NOL4: variants seen among roughly 807,000 people sequenced by gnomAD.
NOL4 encodes nucleolar protein 4, also known as cancer/testis antigen 125.
Under a neutral mutation model 75.9 loss-of-function variants are expected in NOL4, and 17 were observed. The observed-to-expected ratio is 0.22, with a 90% CI of 0.15 to 0.34. The LOEUF (loss-of-function observed/expected upper bound fraction) is 0.34. NOL4 is among the 10% of genes least tolerant of loss of function. The pLI is 1.00. For missense variants in NOL4, 614 were observed against 793.5 expected, an observed-to-expected ratio of 0.77 and a Z score of 2.72; for synonymous variants, 292 against 289.9, an observed-to-expected ratio of 1.01 and a Z score of -0.07.
intron 5 of NOL4, among the ~76,000 whole-genome samples, chr18:34,022,930 G>C (rs1003751865): frequency 3.0e-4 from 46 of 151,916 alleles, no homozygotes; most frequent in African/African-American, 1.1e-3. Context: ...GTCAGGAAAG[G>C]CTTTAATAAG....
At chr18:34,206,107 T>G (rs1315969016) in intron 1 of NOL4, among the ~76,000 whole-genome samples, 2 of 152,180 alleles carry the variant, frequency 1.3e-5, no homozygotes, top group Non-Finnish European at 2.9e-5. Flanking sequence ...ATGGATTATT[T>G]GGATGAATGT....
At chr18:33,894,462 A>G (rs2065280467) in intron 9 of NOL4, among the ~76,000 whole-genome samples, 1 of 152,088 alleles carries the variant, frequency 6.6e-6, no homozygotes, top group African/African-American at 2.4e-5. Context: ...CCAACACAGA[A>G]CTTTGTTCTT....
chr18:34,134,305 T>C (rs563829574), intron 1 of NOL4, among the ~76,000 whole-genome samples: 12 of 152,146 alleles, frequency 7.9e-5, no homozygotes, highest in Admixed American at 3.9e-4. Context: ...TGAATGTATA[T>C]TGTATGCTCA....
In NOL4 at chr18:33,922,765, G is replaced by C. The variant is rs8084544; in HGVS notation, c.1542+20300C>G. Among the ~76,000 whole-genome samples, 817 of 152,192 alleles carry C rather than the reference G, an allele frequency of 5.4e-3. 4 individuals are homozygous for C. Among genetic ancestry groups the C allele is most frequent in the African/African-American group, 0.019 (789 of 41,540 alleles). On this transcript the variant is annotated intron_variant, in intron 9 of 10. Transcript: ENST00000261592. The stretch of plus-strand genomic sequence containing the variant: ...TAAAGTTTAGTTTATATATTAACAA[G>C]CTAATTTTTTAATGTTTACACATTC...
chr18:33,943,047 T>C lies in NOL4; in HGVS notation c.1542+18A>G, dbSNP rs780422722. 6.4e-7 allele frequency: 1 copy of C among 1,552,774 alleles called. No individual in the cohort carries two copies. Among genetic ancestry groups the C allele is most frequent in the Admixed American group, 1.7e-5 (1 of 59,366 alleles). On this transcript the variant is annotated intron_variant, in intron 9 of 10. Transcript: ENST00000261592. The stretch of plus-strand genomic sequence containing the variant: ...TTGCTATAGCTGGTGTTCACCAGAC[T>C]TCAAGATGCCTCAGTACCTGCTGTC...
At chr18:34,116,383 A>G (rs2079859475) in intron 2 of NOL4, among the ~76,000 whole-genome samples, 1 of 151,872 alleles carries the variant, frequency 6.6e-6, no homozygotes, top group East Asian at 1.9e-4. Context: ...TGCTTTTCGG[A>G]AGAAAAAAAT....
chr18:34,011,016 C>A (rs1177358540), intron 6 of NOL4, among the ~76,000 whole-genome samples: 1 of 151,488 alleles, frequency 6.6e-6, no homozygotes, highest in Non-Finnish European at 1.5e-5. Flanking sequence ...AGATCTAGTA[C>A]CTTATAGCAC....
intron 2 of NOL4, among the ~76,000 whole-genome samples, chr18:34,120,540 C>A (rs2080091227): frequency 6.6e-6 from 1 of 152,090 alleles, no homozygotes; most frequent in South Asian, 2.1e-4. Context: ...AGTATGTGGT[C>A]AAATTTACAA....
At chr18:34,145,052 T>C (rs891217512) in intron 1 of NOL4, among the ~76,000 whole-genome samples, 3 of 152,110 alleles carry the variant, frequency 2.0e-5, no homozygotes, top group Non-Finnish European at 4.4e-5. Context: ...TGGAGGTAAT[T>C]TGGCAAGATA....
intron 10 of NOL4, among the ~76,000 whole-genome samples, chr18:33,865,052 G>T (rs1186175308): frequency 6.6e-6 from 1 of 152,124 alleles, no homozygotes; most frequent in African/African-American, 2.4e-5. Flanking sequence ...AATGAGATTT[G>T]GGTGGGGAAA....
chr18:33,945,604 T>C (rs1344477826), intron 8 of NOL4, among the ~76,000 whole-genome samples: 1 of 133,640 alleles, frequency 7.5e-6, no homozygotes, highest in Non-Finnish European at 1.7e-5. Context: ...TAAACTAGAG[T>C]AATGTCCTGG....
intron 9 of NOL4, among the ~76,000 whole-genome samples, chr18:33,926,650 G>A (rs2067350070): frequency 6.6e-6 from 1 of 152,166 alleles, no homozygotes; most frequent in African/African-American, 2.4e-5. Flanking sequence ...CACCAGGCTG[G>A]AGGCCAGTGG....
At chr18:34,093,836 G>C (rs182722520) in intron 4 of NOL4, among the ~76,000 whole-genome samples, 1 of 152,220 alleles carries the variant, frequency 6.6e-6, no homozygotes, top group African/African-American at 2.4e-5. Flanking sequence ...TCAGGAGATC[G>C]AGACCATCCT....
intron 6 of NOL4, among the ~76,000 whole-genome samples, chr18:33,988,950 C>T (rs1268622035): frequency 6.6e-6 from 1 of 151,806 alleles, no homozygotes; most frequent in Admixed American, 6.6e-5. Flanking sequence ...ATAATCACAG[C>T]ATTTTGGGAA....
At chr18:33,965,904 A>C (rs931117165) in intron 6 of NOL4, among the ~76,000 whole-genome samples, 2 of 152,174 alleles carry the variant, frequency 1.3e-5, no homozygotes, top group African/African-American at 4.8e-5. Context: ...AAAAAAGTTA[A>C]AAAGTTAAAA....
rs376673242 is a variant in NOL4 at position 34,187,490 on chromosome 18, C to T, written c.264+35500G>A. Reference sequence around the variant, plus strand: ...CTCCCGGGTTTACGCCATTCTCCTGCCTCAGCCTCCCGCGTAGCTGGGACT... The same window carrying T: ...CTCCCGGGTTTACGCCATTCTCCTGTCTCAGCCTCCCGCGTAGCTGGGACT... On this transcript the variant is annotated intron_variant, in intron 1 of 10. Coordinates refer to ENST00000261592, the MANE Select transcript of NOL4 (RefSeq NM_003787.5). Among the ~76,000 whole-genome samples the T allele has an allele frequency of 4.6e-5, 7 of 151,342 alleles. No homozygotes were observed. In the South Asian group the frequency reaches 6.2e-4, roughly 13 times the overall value.
chr18:34,044,011 G>T (rs913986796), intron 5 of NOL4, among the ~76,000 whole-genome samples: 11 of 152,032 alleles, frequency 7.2e-5, no homozygotes, highest in Non-Finnish European at 1.2e-4. Flanking sequence ...AATTGTAACT[G>T]CTCATTCTTC....
intron 1 of NOL4, among the ~76,000 whole-genome samples, chr18:34,137,176 T>C (rs753875815): frequency 6.6e-6 from 1 of 152,130 alleles, no homozygotes; most frequent in African/African-American, 2.4e-5. Flanking sequence ...ATGTAAGAGC[T>C]AAAACTCAAA....
intron 10 of NOL4, among the ~76,000 whole-genome samples, chr18:33,863,119 T>C (rs1372076987): frequency 2.0e-5 from 3 of 152,094 alleles, no homozygotes; most frequent in African/African-American, 7.2e-5. Flanking sequence ...ATGTCCTTTG[T>C]AGGGACATGG....
Sources: gnomAD v4.1 joint callset for allele counts (sites outside exome capture counted in the v4.1 genomes callset) on GRCh38, gnomAD v4.1.1 for gene constraint, MANE v1.5 for transcripts, NCBI Gene and HGNC (gene_info 2026-07-23, HGNC 2026-07-21) for gene names.